The following PSMC3 variants were observed in gnomAD, a reference collection of about 807,000 sequenced individuals.
The protein encoded by PSMC3 is proteasome 26S subunit, ATPase 3, also known as 26S proteasome regulatory subunit 6A.
A neutral mutation model predicts 52.0 loss-of-function variants in PSMC3; 11 were observed. The ratio of observed to expected loss-of-function variants is 0.21; its 90% CI spans 0.13 to 0.35. The LOEUF is 0.35. PSMC3 is among the 10% of genes least tolerant of loss of function. The pLI is 1.00. For synonymous variants in PSMC3, 201 were observed against 218.8 expected (o/e 0.92, Z 0.72); for missense variants, 238 against 567.1 (o/e 0.42, Z 5.89).
At position 47,422,239 on chromosome 11, in the gene PSMC3, T is replaced by C. The variant is rs2096041459; in HGVS notation, c.884+335A>G. Among the ~76,000 whole-genome samples the C allele has an allele frequency of 6.6e-6, 1 of 152,096 alleles. No homozygotes were observed. Among genetic ancestry groups the C allele is most frequent in the South Asian group, 2.1e-4 (1 of 4,824 alleles). On this transcript the variant is annotated intron_variant, in intron 8 of 11. Coordinates refer to ENST00000298852, the MANE Select transcript of PSMC3 (RefSeq NM_002804.5). This position sits in a 1 kb window ranked among gnomAD's most constrained non-coding sequence, Gnocchi z 4.3. The stretch of plus-strand genomic sequence containing the variant: ...TTGTATTTTTAGTAGAGACAGGGTT[T>C]CACCATGTTAGCCAGGATGGTCTCG...
chr11:47,421,797 C>T (rs1165774481), intron 8 of PSMC3, among the ~76,000 whole-genome samples: 2 of 151,924 alleles, frequency 1.3e-5, no homozygotes, highest in Admixed American at 6.6e-5. Context: ...GAATTACAGG[C>T]GCACACCACC....
intron 2 of PSMC3, chr11:47,425,590 T>G: frequency 1.9e-6 from 1 of 533,116 alleles, no homozygotes; most frequent in African/African-American, 1.9e-5. Flanking sequence ...AATAGGCATT[T>G]TACTAAAAGA....
chr11:47,420,544 T>C, intron 9 of PSMC3, 87 bp downstream of exon 9: 2 of 1,512,982 alleles, frequency 1.3e-6, no homozygotes, highest in Admixed American at 3.9e-5. Context: ...CCAATTCTCA[T>C]TCCAGCTCCA....
At chr11:47,419,077 A>AG in intron 11 of PSMC3, 39 bp downstream of exon 11, 1 of 1,612,630 alleles carries the variant, frequency 6.2e-7, no homozygotes, top group Non-Finnish European at 8.5e-7. Context: ...GGGGGCAAGA[A>AG]GGCACAAAGC....
chr11:47,425,895 C>T lies in PSMC3; in HGVS notation c.131G>A (p.Arg44His). The change falls in exon 2 of 12, where the codon CGC becomes CAC. Residue 44 changes from arginine to histidine, a missense_variant. Physicochemically the swap from Arg to His is conservative, Grantham distance 29. This residue lies in a region of PSMC3 where 48 missense variants were observed against 63.4 expected (regional missense o/e 0.76). Transcript: ENST00000298852. ...LKMSTEEIIQ[R>H]TRLLDSEIKI... ...GATCTCACTGTCCAGCAGCCGTGTG[C>T]GCTGGATGATCTCCTCCGTGGACAT... 6.2e-7 allele frequency: 1 copy of T among 1,614,056 alleles called. No individual in the cohort carries two copies. Among genetic ancestry groups the T allele is most frequent in the South Asian group, 1.1e-5 (1 of 91,084 alleles).
Position 47,420,787 on chromosome 11 carries a change from C to T in PSMC3, c.885-60G>A. ...CACAGCTTAGGCAGAGCCCTCCCCT[C>T]CTCTACCCCCTGGAAGCCTAACCTA... is the stretch of plus-strand genomic sequence containing the variant. On this transcript the variant is annotated intron_variant, in intron 8 of 11. Transcript: ENST00000298852. 2.1e-6 allele frequency: 3 copies of T among 1,455,066 alleles called. No homozygotes were observed. In the East Asian group the frequency reaches 7.4e-5, roughly 36 times the overall value. The allele number at this position is 1,455,066 out of a possible 1,614,324, so 90.1% of individuals were successfully genotyped here. A position where few individuals can be genotyped will look rare whatever the true frequency, so the allele number is the denominator to read the frequency against.
At chr11:47,419,090 C>G in intron 11 of PSMC3, 26 bp downstream of exon 11, 1 of 1,613,746 alleles carries the variant, frequency 6.2e-7, no homozygotes, top group Non-Finnish European at 8.5e-7. Flanking sequence ...CACAAAGCAA[C>G]GCACCCACCC....
intron 6 of PSMC3, 31 bp from the exon 7 acceptor site, chr11:47,423,004 G>A: frequency 6.3e-7 from 1 of 1,586,992 alleles, no homozygotes; most frequent in East Asian, 2.2e-5. Context: ...GTGAGGAGAT[G>A]AAGCCCTGAG....
intron 8 of PSMC3, among the ~76,000 whole-genome samples, chr11:47,421,691 C>A (rs1333293359): frequency 1.4e-5 from 2 of 148,004 alleles, no homozygotes; most frequent in Non-Finnish European, 3.0e-5. Context: ...CTCACTCTGT[C>A]ATCCAGGCCG....
At chr11:47,419,664 T>G (rs11039230) in intron 10 of PSMC3, among the ~76,000 whole-genome samples, 2 of 151,982 alleles carry the variant, frequency 1.3e-5, no homozygotes, top group East Asian at 1.9e-4. Flanking sequence ...TCAAGACCAT[T>G]CTGGCTAACA....
Position 47,418,825 on chromosome 11 carries a change from C to G in PSMC3, c.*10G>C. ...ACTTCAGCCGTGAGACTGGGGCTGGCCTGTGTGCCCTAGGCGTAGTATTGT... is the reference window on the plus strand; with the variant it reads ...ACTTCAGCCGTGAGACTGGGGCTGGGCTGTGTGCCCTAGGCGTAGTATTGT... On this transcript the variant is annotated 3_prime_UTR_variant, in exon 12 of 12. Transcript: ENST00000298852. The G allele has an allele frequency of 6.2e-7, 1 of 1,610,732 alleles. No individual in the cohort carries two copies. The highest frequency in any genetic ancestry group is 1.7e-5 in the Admixed American group (1 of 59,990).
At chr11:47,420,045 A>C (rs2096038503) in intron 10 of PSMC3, among the ~76,000 whole-genome samples, 1 of 152,138 alleles carries the variant, frequency 6.6e-6, no homozygotes, top group South Asian at 2.1e-4. Context: ...GTGGAGTCTA[A>C]GGAGCAGAGC....
intron 2 of PSMC3, 89 bp from the exon 3 acceptor site, chr11:47,425,335 G>A: frequency 6.6e-7 from 1 of 1,518,278 alleles, no homozygotes; most frequent in Admixed American, 1.7e-5. Flanking sequence ...GGGTGCCCAG[G>A]GGACCCTCCC....
chr11:47,420,264 C>T lies in PSMC3; in HGVS notation c.1127G>A (p.Ser376Asn). The change falls in exon 10 of 12, where the codon AGT becomes AAT. Residue 376 changes from serine (S) to asparagine (N), a missense_variant and splice_region_variant. Transcript: ENST00000298852. ...MQIHSRKMNV[S>N]PDVNYEELAR... ...GTGCCCTGCCCGTGCTCCTGCTCAC[C>T]TGACATTCATCTTTCGGGAGTGGAT... 1 of 1,614,128 alleles carries T rather than the reference C, an allele frequency of 6.2e-7. No homozygotes were observed. The highest frequency in any genetic ancestry group is 2.2e-5 in the East Asian group (1 of 44,890).
In PSMC3 at chr11:47,424,088, C is replaced by T. The variant is rs753125025; in HGVS notation, c.549G>A (p.Glu183=). The change falls in exon 6 of 12, where the codon GAG becomes GAA. Residue 183 remains glutamate (E), a synonymous_variant. Coordinates refer to ENST00000298852, the MANE Select transcript of PSMC3 (RefSeq NM_002804.5). This position sits in a 1 kb window ranked among gnomAD's most constrained non-coding sequence, Gnocchi z 4.8. ...CCAAACCCCCAATGTCACTGTATTG[C>T]TCCGTGGGCCTCTCGTCTACCTCCA... is the stretch of plus-strand genomic sequence containing the variant. ...KAMEVDERPT[E]QYSDIGGLDK... The T allele has an allele frequency of 1.2e-6, 2 of 1,614,200 alleles. No individual in the cohort carries two copies. The highest frequency in any genetic ancestry group is 3.3e-5 in the Admixed American group (2 of 60,018).
At chr11:47,420,767 C>T (rs1337401308) in intron 8 of PSMC3, 40 bp from the exon 9 acceptor site, 6 of 1,526,566 alleles carry the variant, frequency 3.9e-6, no homozygotes, top group Non-Finnish European at 5.3e-6. Context: ...GAGGGCACAG[C>T]TTAGGCAGAG....
intron 2 of PSMC3, 192 bp downstream of exon 2, chr11:47,425,675 T>C: frequency 3.5e-6 from 2 of 575,196 alleles, no homozygotes; most frequent in Non-Finnish European, 6.2e-6. Context: ...AGCCCAGGCC[T>C]CCCACCACCC....
At chr11:47,421,592 C>T (rs1409742527) in intron 8 of PSMC3, among the ~76,000 whole-genome samples, 1 of 151,614 alleles carries the variant, frequency 6.6e-6, no homozygotes, top group East Asian at 1.9e-4. Context: ...AGGCAGCACA[C>T]GTTGAGCCTT....
chr11:47,419,851 ACT>A (rs2096038204), intron 10 of PSMC3, among the ~76,000 whole-genome samples: 1 of 151,160 alleles, frequency 6.6e-6, no homozygotes, highest in African/African-American at 2.4e-5. Context: ...AGAGCGAGAC[ACT>A]GTCTCCAAAA....
Sources: gnomAD v4.1 joint callset for allele counts (sites outside exome capture counted in the v4.1 genomes callset) on GRCh38, gnomAD v4.1.1 for gene constraint, gnomAD v4.1.1 regional missense constraint, Gnocchi (gnomAD v3.1) non-coding constraint, MANE v1.5 for transcripts, NCBI Gene and HGNC (gene_info 2026-07-23, HGNC 2026-07-21) for gene names.